Variants in CFAP45 observed in about 807,000 individuals in gnomAD.
The protein encoded by CFAP45 is cilia and flagella associated protein 45.
CFAP45 carries 43 observed loss-of-function variants against 75.6 expected under a neutral mutation model. The observed-to-expected ratio is 0.57, with a 90% confidence interval of 0.45 to 0.73. The LOEUF is 0.73. Among genes scored for constraint, CFAP45 ranks in the 30% least tolerant of loss-of-function variants. CFAP45 has a pLI of 0.00. For synonymous variants in CFAP45, 223 were observed against 244.6 expected (o/e 0.91, Z 0.82); for missense variants, 689 against 701.5 (o/e 0.98, Z 0.20).
At chr1:159,881,489 G>A (rs748064682) in intron 7 of CFAP45, among the ~76,000 whole-genome samples, 32 of 152,162 alleles carry the variant, frequency 2.1e-4, no homozygotes, top group African/African-American at 7.5e-4. Context: ...TGTTCGCTCT[G>A]CCCCAGTTAC....
chr1:159,895,396 C>T (rs1301917565), intron 1 of CFAP45, among the ~76,000 whole-genome samples: 4 of 152,152 alleles, frequency 2.6e-5, no homozygotes, highest in Admixed American at 6.5e-5. Flanking sequence ...TTTCCAGGTC[C>T]CTAAGCCCTG....
At chr1:159,877,507 C>T (rs1023163031) in intron 8 of CFAP45, 45 bp from the exon 9 acceptor site, 1 of 1,353,924 alleles carries the variant, frequency 7.4e-7, no homozygotes, top group Non-Finnish European at 1.1e-6. Flanking sequence ...ATTGCCCCAG[C>T]CTTGCAGAGA....
Position 159,877,358 on chromosome 1 carries a change from C to T in CFAP45, c.1149G>A (p.Gln383=). 2 of 1,609,780 alleles carry T rather than the reference C, an allele frequency of 1.2e-6. No homozygotes were observed. The highest frequency in any genetic ancestry group is 1.7e-6 in the Non-Finnish European group (2 of 1,176,050). ...GAGACTAAGCAGGTACCTGTTCTGC[C>T]TGGTAATCCTGGGCCTTCTCCTGCA... ...RAMQEKAQDY[Q]AEQDALRAKR... is the part of the protein sequence containing the mutation. The change falls in exon 9 of 12, where the codon CAG becomes CAA. Residue 383 remains glutamine, a synonymous_variant. Coordinates refer to ENST00000368099, the MANE Select transcript of CFAP45 (RefSeq NM_012337.3).
At position 159,872,941 on chromosome 1, in the gene CFAP45, C is replaced by T; in HGVS notation, c.1577+3G>A. On this transcript the variant is annotated splice_donor_region_variant and intron_variant, in intron 11 of 11. Coordinates refer to ENST00000368099, the MANE Select transcript of CFAP45 (RefSeq NM_012337.3). ...TTTGGGAAAGGAGGAGATTCCAGCG[C>T]ACCTCAGCTCTTCAAGCTTTTTCCT... The T allele has an allele frequency of 5.0e-6, 8 of 1,613,430 alleles. No homozygotes were observed. The highest frequency in any genetic ancestry group is 6.8e-6 in the Non-Finnish European group (8 of 1,179,322).
In CFAP45 at chr1:159,884,486, TCTC is replaced by T. The variant is rs753806120; in HGVS notation, c.844_846del (p.Glu282del). 8 of 1,613,826 alleles carry T rather than the reference TCTC, an allele frequency of 5.0e-6. No homozygotes were observed. The highest frequency in any genetic ancestry group is 2.2e-5 in the East Asian group (1 of 44,892). On this transcript the variant is annotated inframe_deletion, in exon 7 of 12. Coordinates refer to ENST00000368099, the MANE Select transcript of CFAP45 (RefSeq NM_012337.3). ...TCCATATATTCCAGCATCTGCTCCT[TCTC>T]CTGCTCCCGCTGCTCAGCAAGCAGC... is the stretch of plus-strand genomic sequence containing the variant.
chr1:159,888,009 A>C lies in CFAP45; in HGVS notation c.420T>G (p.Asp140Glu), dbSNP rs768988314. Residue 140 changes from aspartate (D) to glutamate (E), a missense_variant and splice_region_variant, in exon 5 of 12, where the codon GAT (aspartate) becomes GAG (glutamate). Coordinates refer to ENST00000368099, the MANE Select transcript of CFAP45 (RefSeq NM_012337.3). ...AFKKEKEATM[D>E]AVMTRKKIMK... ...TGATCTTCTTTCGTGTCATCACTGC[A>C]TCCTAAGGGAGACCAGTCTGGCTCA... 1 of 1,613,632 alleles carries C rather than the reference A, an allele frequency of 6.2e-7. No individual in the cohort carries two copies. The highest frequency in any genetic ancestry group is 8.5e-7 in the Non-Finnish European group (1 of 1,179,674).
At position 159,881,803 on chromosome 1, in the gene CFAP45, C is replaced by G. The variant is rs141476465; in HGVS notation, c.898-1103G>C. ...TCTGAGCCAAGCACATTCTCAGGTG[C>G]AGAGGGGCATCGGAATTAGGGGAAC... On this transcript the variant is annotated intron_variant, in intron 7 of 11. Coordinates refer to ENST00000368099, the MANE Select transcript of CFAP45 (RefSeq NM_012337.3). Among the ~76,000 whole-genome samples, 238 of 152,288 alleles carry G rather than the reference C, an allele frequency of 1.6e-3. 2 individuals carry two copies. The highest frequency in any genetic ancestry group is 5.4e-3 in the African/African-American group (226 of 41,560).
At chr1:159,898,976 T>C (rs1454476874) in intron 1 of CFAP45, among the ~76,000 whole-genome samples, 1 of 152,216 alleles carries the variant, frequency 6.6e-6, no homozygotes, top group East Asian at 1.9e-4. Flanking sequence ...ATGCAGCCCC[T>C]GGGCCTGAAG....
In CFAP45 at chr1:159,884,558, G is replaced by A. The variant is rs767605282; in HGVS notation, c.775C>T (p.Arg259Trp). The change falls in exon 7 of 12, where the codon CGG (arginine) becomes TGG (tryptophan). Residue 259 changes from arginine (R) to tryptophan (W), a missense_variant. Coordinates refer to ENST00000368099, the MANE Select transcript of CFAP45 (RefSeq NM_012337.3). ...TTTTCCATCTGTTCCACAATTTGCC[G>A]CCTTCCTCTTGGAGAGAACAGTGCC... ...KRREERIRGR[R>W]QIVEQMEKNQ... 140 of 1,612,884 alleles carry A rather than the reference G, an allele frequency of 8.7e-5. No homozygotes were observed. Among genetic ancestry groups the A allele is most frequent in the Admixed American group, 1.5e-4 (9 of 59,902 alleles).
intron 3 of CFAP45, among the ~76,000 whole-genome samples, 191 bp downstream of exon 3, chr1:159,890,289 A>G (rs1649793771): frequency 6.6e-6 from 1 of 152,222 alleles, no homozygotes; most frequent in African/African-American, 2.4e-5. Flanking sequence ...AGATACAACA[A>G]TGGGAGAAAC....
intron 2 of CFAP45, 84 bp downstream of exon 2, chr1:159,893,096 C>T: frequency 1.3e-6 from 2 of 1,501,620 alleles, no homozygotes; most frequent in East Asian, 2.3e-5. Flanking sequence ...AGCAAGGTTA[C>T]TCAGCAGAAG....
intron 5 of CFAP45, 82 bp downstream of exon 5, chr1:159,887,759 G>T: frequency 7.2e-7 from 1 of 1,380,656 alleles, no homozygotes; most frequent in Non-Finnish European, 1.0e-6. Flanking sequence ...ACCAGTCCCT[G>T]GCCTTGTCCA....
At chr1:159,877,485 A>G in intron 8 of CFAP45, 23 bp from the exon 9 acceptor site, 1 of 1,544,622 alleles carries the variant, frequency 6.5e-7, no homozygotes, top group Non-Finnish European at 9.0e-7. Context: ...AAGGCCTTGT[A>G]GAATAGTTGC....
chr1:159,874,595 A>G (rs1472049829), intron 10 of CFAP45, among the ~76,000 whole-genome samples: 1 of 152,206 alleles, frequency 6.6e-6, no homozygotes, highest in African/African-American at 2.4e-5. Flanking sequence ...TTCTGAGTGA[A>G]GGGGTAAGTG....
chr1:159,888,200 C>A (rs1254466423), intron 4 of CFAP45, 152 bp downstream of exon 4: 2 of 997,628 alleles, frequency 2.0e-6, no homozygotes, highest in Non-Finnish European at 3.0e-6. Flanking sequence ...CACCTCTCAT[C>A]TCAGGTATTG....
At chr1:159,878,990 G>A (rs1350242489) in intron 8 of CFAP45, among the ~76,000 whole-genome samples, 1 of 152,070 alleles carries the variant, frequency 6.6e-6, no homozygotes, top group African/African-American at 2.4e-5. Context: ...CCACCGTGAG[G>A]TCGGTAAGGG....
Position 159,872,383 on chromosome 1 carries a change from A to C in CFAP45, c.*102T>G. 1.1e-6 allele frequency: 1 copy of C among 923,538 alleles called. No individual in the cohort carries two copies. Among genetic ancestry groups the C allele is most frequent in the Non-Finnish European group, 1.8e-6 (1 of 556,934 alleles). 57.2% of individuals were successfully genotyped at this position (923,538 alleles called of 1,614,324 possible). ...TGTTCCTTAAAGTCAAGTAGATTTA[A>C]TCTGTAACTATGAAATGTCTAGGTT... On this transcript the variant is annotated 3_prime_UTR_variant, in exon 12 of 12. Transcript: ENST00000368099.
At chr1:159,888,577 C>T in intron 3 of CFAP45, 81 bp from the exon 4 acceptor site, 1 of 1,339,866 alleles carries the variant, frequency 7.5e-7, no homozygotes, top group South Asian at 1.3e-5. Flanking sequence ...GCTCTCTTCC[C>T]CTCTTCCCAT....
Position 159,880,691 on chromosome 1 carries a change from G to C in CFAP45, c.907C>G (p.Arg303Gly). The change falls in exon 8 of 12, where the codon CGA becomes GGA. Residue 303 changes from arginine to glycine, a missense_variant. Transcript: ENST00000368099. ...ATCTTCAGTTTTTGTTGCTGCCTTC[G>C]TTCCATGTCCTGCCAGCAAAAGAAA... The part of the protein sequence containing the change: ...LQEEDLKDME[R>G]RQQQKLKMQA... 1 of 1,613,706 alleles carries C rather than the reference G, an allele frequency of 6.2e-7. No individual in the cohort carries two copies. The highest frequency in any genetic ancestry group is 1.1e-5 in the South Asian group (1 of 90,976).
Sources: allele counts gnomAD v4.1 joint callset (sites outside exome capture counted in the v4.1 genomes callset), GRCh38; gene constraint gnomAD v4.1.1; transcripts MANE v1.5; gene names NCBI Gene and HGNC (gene_info 2026-07-23, HGNC 2026-07-21).